The following CCDC183 variants were observed in gnomAD, a reference collection of about 807,000 sequenced individuals.
CCDC183 encodes the protein coiled-coil domain containing 183.
A neutral mutation model predicts 65.2 loss-of-function variants in CCDC183; 63 were observed. The observed-to-expected ratio is 0.97, with a 90% CI of 0.79 to 1.19. The LOEUF (loss-of-function observed/expected upper bound fraction) is 1.19. Ranked by LOEUF, CCDC183 falls within the 50% of genes most tolerant of loss-of-function variation. The pLI is 0.00. For synonymous variants in CCDC183, 323 were observed against 276.5 expected, an observed-to-expected ratio of 1.17 and a Z score of -1.67; for missense variants, 769 against 689.3, an observed-to-expected ratio of 1.12 and a Z score of -1.30.
chr9:136,806,411 C>A, intron 10 of CCDC183, 93 bp from the exon 11 acceptor site: 1 of 1,528,978 alleles, frequency 6.5e-7, no homozygotes, highest in Non-Finnish European at 9.0e-7. Context: ...CTGATTCTGG[C>A]ACAGCACCCA....
chr9:136,802,592 G>T, intron 5 of CCDC183, 72 bp from the exon 6 acceptor site: 1 of 1,538,002 alleles, frequency 6.5e-7, no homozygotes, highest in East Asian at 2.3e-5. Context: ...AGGGCTCTTA[G>T]TCGGGGGATA....
At chr9:136,800,763 T>C (rs1168159600) in intron 5 of CCDC183, 1 of 422,216 alleles carries the variant, frequency 2.4e-6, no homozygotes, top group Admixed American at 4.0e-5. Context: ...TGCCTGTCAT[T>C]TTCTCATTGC....
In CCDC183 at chr9:136,806,585, C is replaced by T. The variant is rs746385158; in HGVS notation, c.1191C>T (p.Thr397=). Residue 397 remains threonine, a synonymous_variant, in exon 11 of 14, where the codon ACC becomes ACT. Coordinates refer to ENST00000338005, the MANE Select transcript of CCDC183 (RefSeq NM_001039374.5). ...TCCAGCTGGCGCACAGCAACATGACCAAGGGCCAGGAGCTGCTGCTGACCA... is the reference window on the plus strand; with the variant it reads ...TCCAGCTGGCGCACAGCAACATGACTAAGGGCCAGGAGCTGCTGCTGACCA... ...ERLQLAHSNM[T]KGQELLLTIQ... 6.2e-6 allele frequency: 10 copies of T among 1,613,606 alleles called. No individual in the cohort carries two copies. Among genetic ancestry groups the T allele is most frequent in the African/African-American group, 1.3e-5 (1 of 74,936 alleles).
rs567744891 is a variant in CCDC183, at chr9:136,804,509, T to A, written c.674T>A (p.Met225Lys). ...CCACCCGCATGTCCCCAGAGGAACATGAGGCAAAGGGAGGCGTCCTTCATC... is the reference window on the plus strand; with the variant it reads ...CCACCCGCATGTCCCCAGAGGAACAAGAGGCAAAGGGAGGCGTCCTTCATC... ...MMITDEVKRN[M>K]RQREASFIEE... Residue 225 changes from methionine to lysine, a missense_variant, in exon 7 of 14, where the codon ATG (methionine) becomes AAG (lysine). Coordinates refer to ENST00000338005, the MANE Select transcript of CCDC183 (RefSeq NM_001039374.5). This position sits in a 1 kb window ranked among gnomAD's most constrained non-coding sequence, Gnocchi z 4.1. 4 of 1,612,558 alleles carry A rather than the reference T, an allele frequency of 2.5e-6. No homozygotes were observed. In the South Asian group the frequency reaches 4.4e-5, roughly 18 times the overall value.
In CCDC183 at chr9:136,805,465, C is replaced by T. The variant is rs973547972; in HGVS notation, c.948+8C>T. 1 of 1,611,112 alleles carries T rather than the reference C, an allele frequency of 6.2e-7. No homozygotes were observed. On this transcript the variant is annotated splice_region_variant and intron_variant, in intron 9 of 13. Coordinates refer to ENST00000338005, the MANE Select transcript of CCDC183 (RefSeq NM_001039374.5). Reference sequence around the variant, plus strand: ...CGGTGCTCTCACGTCTGGGTAATGCCCCTGGCGCTCCCAGAGAATGGCAGG... The same window carrying T: ...CGGTGCTCTCACGTCTGGGTAATGCTCCTGGCGCTCCCAGAGAATGGCAGG...
rs745463947 is a variant in CCDC183 at position 136,800,462 on chromosome 9, T to C, written c.512T>C (p.Leu171Pro). The C allele has an allele frequency of 6.2e-7, 1 of 1,612,068 alleles. No individual in the cohort carries two copies. Among genetic ancestry groups the C allele is most frequent in the Non-Finnish European group, 8.5e-7 (1 of 1,179,074 alleles). ...KIITSQNIHL[L>P]YLDLLDYLKT... is the part of the protein sequence containing the mutation. ...ATCACCAGCCAGAACATCCACCTGC[T>C]GTATTTGGACCTGCTGGATTATCTG... Residue 171 changes from leucine (L) to proline (P), a missense_variant, in exon 5 of 14, where the codon CTG (leucine) becomes CCG (proline). Coordinates refer to ENST00000338005, the MANE Select transcript of CCDC183 (RefSeq NM_001039374.5).
rs1295760138 is a variant in CCDC183 at position 136,800,384 on chromosome 9, C to T, written c.439-5C>T. ...CCCTCTCACTGCGCCCTCGGTCCGC[C>T]CCAGATCATCCGCCAGCTGGAGAAC... On this transcript the variant is annotated splice_polypyrimidine_tract_variant and splice_region_variant and intron_variant, in intron 4 of 13. Coordinates refer to ENST00000338005, the MANE Select transcript of CCDC183 (RefSeq NM_001039374.5). The T allele has an allele frequency of 2.0e-5, 32 of 1,607,176 alleles. No individual in the cohort carries two copies. Among genetic ancestry groups the T allele is most frequent in the Non-Finnish European group, 2.6e-5 (31 of 1,176,840 alleles).
chr9:136,799,024 T>G, intron 1 of CCDC183, 78 bp from the exon 2 acceptor site: 4 of 1,589,052 alleles, frequency 2.5e-6, no homozygotes, highest in East Asian at 2.3e-5. Context: ...GCCTCCCTGA[T>G]GCAAGCCTCC....
At chr9:136,807,531 C>G (rs3739944) in intron 13 of CCDC183, 41 bp from the exon 14 acceptor site, 1,234,829 of 1,521,230 alleles carry the variant, frequency 0.81, 502,648 homozygotes, top group African/African-American at 0.96. Flanking sequence ...CTGCGCCTAG[C>G]TGGGCTAGCC....
chr9:136,800,163 G>T lies in CCDC183; in HGVS notation c.432G>T (p.Leu144=). The part of the protein sequence containing the change: ...QPDASKEELR[L]LQIIRQLENN... ...ACGCCAGCAAGGAGGAGCTGCGGCT[G>T]CTGCAGGTGGAGAGGCGGGGCTGGG... The change falls in exon 4 of 14, where the codon CTG becomes CTT. Residue 144 remains leucine, a synonymous_variant. Transcript: ENST00000338005. 2 of 1,531,230 alleles carry T rather than the reference G, an allele frequency of 1.3e-6. No homozygotes were observed. Among genetic ancestry groups the T allele is most frequent in the Non-Finnish European group, 1.7e-6 (2 of 1,143,984 alleles). 94.9% of individuals were successfully genotyped at this position (1,531,230 alleles called of 1,614,324 possible).
intron 6 of CCDC183, 22 bp downstream of exon 6, chr9:136,802,808 GGGGGCCCCCCA>G (rs1847758398): frequency 2.0e-6 from 3 of 1,534,616 alleles, no homozygotes; most frequent in Non-Finnish European, 2.6e-6. Flanking sequence ...GCCCAGGGCT[GGGGGCCCCCCA>G]GGGCCAGCCC....
chr9:136,799,798 G>A lies in CCDC183; in HGVS notation c.270+8G>A, dbSNP rs1439965965. The stretch of plus-strand genomic sequence containing the variant: ...TGCCGCAGCACCATGGAGGTAACCA[G>A]GCAGGAGGGGCCTCGAGACCCAACC... On this transcript the variant is annotated splice_region_variant and intron_variant, in intron 3 of 13. Transcript: ENST00000338005. 5 of 1,611,698 alleles carry A rather than the reference G, an allele frequency of 3.1e-6. No homozygotes were observed. Among genetic ancestry groups the A allele is most frequent in the Admixed American group, 3.3e-5 (2 of 59,956 alleles).
intron 8 of CCDC183, 79 bp from the exon 9 acceptor site, chr9:136,805,278 A>G (rs971031213): frequency 5.0e-5 from 60 of 1,194,030 alleles, no homozygotes; most frequent in Non-Finnish European, 6.7e-5. Flanking sequence ...CTGGGCAGGT[A>G]CAGAGGTGTC....
Position 136,799,164 on chromosome 9 carries a change from C to G in CCDC183, c.133C>G (p.Leu45Val), listed in dbSNP as rs755520450. The change falls in exon 2 of 14, where the codon CTG becomes GTG. Residue 45 changes from leucine to valine, a missense_variant. Transcript: ENST00000338005. Reference protein sequence around the residue: ...KENMDQNKATLALLRSNIRRG... With the variant: ...KENMDQNKATVALLRSNIRRG... ...GAATATGGACCAGAACAAGGCCACG[C>G]TGGCCCTCCTGCGCAGCAACATCCG... 6.2e-7 allele frequency: 1 copy of G among 1,612,990 alleles called. No homozygotes were observed. Among genetic ancestry groups the G allele is most frequent in the East Asian group, 2.2e-5 (1 of 44,886 alleles).
chr9:136,799,892 G>A, intron 3 of CCDC183, 102 bp downstream of exon 3: 2 of 1,468,702 alleles, frequency 1.4e-6, no homozygotes, highest in Admixed American at 4.0e-5. Context: ...CAGGTGCCCA[G>A]CCCCAGGTTC....
intron 6 of CCDC183, among the ~76,000 whole-genome samples, chr9:136,803,442 G>A (rs764881203): frequency 1.3e-5 from 2 of 152,170 alleles, no homozygotes; most frequent in African/African-American, 2.4e-5. Flanking sequence ...CAGCACAGGA[G>A]CCATGAAGTA....
In CCDC183 at chr9:136,800,393, T is replaced by C. The variant is rs1340484632; in HGVS notation, c.443T>C (p.Ile148Thr). Residue 148 changes from isoleucine to threonine, a missense_variant, in exon 5 of 14, where the codon ATC becomes ACC. By Grantham distance (89) the Ile-to-Thr change is moderately conservative (BLOSUM62 -1). Coordinates refer to ENST00000338005, the MANE Select transcript of CCDC183 (RefSeq NM_001039374.5). ...TGCGCCCTCGGTCCGCCCCAGATCA[T>C]CCGCCAGCTGGAGAACAACATCGAG... is the stretch of plus-strand genomic sequence containing the variant. Reference protein sequence around the residue: ...SKEELRLLQIIRQLENNIEKT... With the variant: ...SKEELRLLQITRQLENNIEKT... 1 of 1,609,502 alleles carries C rather than the reference T, an allele frequency of 6.2e-7. No individual in the cohort carries two copies. Among genetic ancestry groups the C allele is most frequent in the South Asian group, 1.1e-5 (1 of 90,046 alleles).
At chr9:136,803,271 G>A (rs1183189722) in intron 6 of CCDC183, among the ~76,000 whole-genome samples, 1 of 94,300 alleles carries the variant, frequency 1.1e-5, no homozygotes, top group Non-Finnish European at 2.3e-5. Context: ...GGTGAGCTCA[G>A]GGCCCAGGGC....
chr9:136,800,346 GC>G, intron 4 of CCDC183, 42 bp from the exon 5 acceptor site: 5 of 1,549,052 alleles, frequency 3.2e-6, no homozygotes, highest in Non-Finnish European at 3.5e-6. Flanking sequence ...CCTCCGGGCG[GC>G]CGGTCCCCAC....
Sources: gnomAD v4.1 joint callset for allele counts (sites outside exome capture counted in the v4.1 genomes callset) on GRCh38, gnomAD v4.1.1 for gene constraint, Gnocchi (gnomAD v3.1) non-coding constraint, MANE v1.5 for transcripts, NCBI Gene and HGNC (gene_info 2026-07-23, HGNC 2026-07-21) for gene names.